SPECC1L: variants seen among roughly 807,000 people sequenced by gnomAD.
The protein encoded by SPECC1L is cytospin-A.
In SPECC1L, 40 loss-of-function variants were observed where a neutral mutation model predicts 116.8. The observed-to-expected ratio is 0.34, with a 90% CI of 0.27 to 0.45. SPECC1L has a LOEUF of 0.45. Ranked by LOEUF, SPECC1L falls within the 20% of genes least tolerant of loss-of-function variation. The pLI is 1.00. For missense variants in SPECC1L, 1,110 were observed against 1,373.6 expected, an observed-to-expected ratio of 0.81 and a Z score of 3.03; for synonymous variants, 504 against 500.6, an observed-to-expected ratio of 1.01 and a Z score of -0.09.
intron 13 of SPECC1L, among the ~76,000 whole-genome samples, chr22:24,366,866 G>A (rs183642826): frequency 2.7e-4 from 41 of 152,214 alleles, no homozygotes; most frequent in African/African-American, 9.4e-4. Context: ...TTGTTTATAG[G>A]GATGAAGAAA....
intron 9 of SPECC1L, among the ~76,000 whole-genome samples, chr22:24,337,445 A>G (rs1476491360): frequency 6.6e-6 from 1 of 152,178 alleles, no homozygotes; most frequent in Non-Finnish European, 1.5e-5. Flanking sequence ...ATGGGAAGTG[A>G]CTATTGGGAT....
intron 2 of SPECC1L, among the ~76,000 whole-genome samples, chr22:24,290,830 TGAA>T (rs2049143311): frequency 6.6e-6 from 1 of 152,372 alleles, no homozygotes; most frequent in South Asian, 2.1e-4. Flanking sequence ...ATGTATATGT[TGAA>T]GAATATAGGA....
At chr22:24,329,468 A>G (rs1285128159) in intron 7 of SPECC1L, among the ~76,000 whole-genome samples, 1 of 152,242 alleles carries the variant, frequency 6.6e-6, no homozygotes, top group Non-Finnish European at 1.5e-5. Context: ...TGTGGCCATG[A>G]TCCATCTTGC....
intron 9 of SPECC1L, 138 bp from the exon 10 acceptor site, chr22:24,338,248 C>T: frequency 1.2e-6 from 1 of 824,534 alleles, no homozygotes; most frequent in Non-Finnish European, 2.1e-6. Flanking sequence ...AAGTGTTCAG[C>T]AGAGGCTAGA....
intron 13 of SPECC1L, among the ~76,000 whole-genome samples, chr22:24,367,221 G>A (rs191767292): frequency 6.6e-6 from 1 of 152,184 alleles, no homozygotes; most frequent in East Asian, 1.9e-4. Flanking sequence ...GTTGAGCCGT[G>A]ACAAGTTTTT....
intron 2 of SPECC1L, among the ~76,000 whole-genome samples, chr22:24,289,467 T>C (rs1344602749): frequency 1.3e-5 from 2 of 151,852 alleles, no homozygotes; most frequent in African/African-American, 2.4e-5. Context: ...ATTAGGACTT[T>C]TATTTCATTA....
chr22:24,355,281 C>CA (rs751981921), intron 11 of SPECC1L, among the ~76,000 whole-genome samples: 17,297 of 54,934 alleles, frequency 0.31, 2,214 homozygotes, highest in East Asian at 0.46. Context: ...GACTCCATCT[C>CA]AAAAAAAAAA....
chr22:24,388,287 G>A (rs546332209), intron 14 of SPECC1L, among the ~76,000 whole-genome samples: 1,512 of 130,312 alleles, frequency 0.012, 26 homozygotes, highest in African/African-American at 0.041. Flanking sequence ...CTGTGTCCAT[G>A]TGTTCTCATT....
chr22:24,288,254 A>G (rs1486172245), intron 2 of SPECC1L, among the ~76,000 whole-genome samples: 2 of 152,232 alleles, frequency 1.3e-5, no homozygotes, highest in East Asian at 1.9e-4. Flanking sequence ...AGGCTGTATA[A>G]TTCTTTGTCG....
rs547616507 is a variant in SPECC1L at position 24,293,380 on chromosome 22, G to A, written c.-37-8815G>A. ...AGGCAGGAGAATTGCTTGAACCCGG[G>A]AGGCGGAGGTTGCAGTGAGCCGAGG... On this transcript the variant is annotated intron_variant, in intron 2 of 16. Transcript: ENST00000314328. 5.7e-4 allele frequency among the ~76,000 whole-genome samples: 87 copies of A among 152,298 alleles called. 1 individual carries two copies. Among genetic ancestry groups the A allele is most frequent in the South Asian group, 1.2e-3 (6 of 4,820 alleles).
At chr22:24,309,264 T>C (rs1398719098) in intron 3 of SPECC1L, among the ~76,000 whole-genome samples, 1 of 152,220 alleles carries the variant, frequency 6.6e-6, no homozygotes, top group Admixed American at 6.5e-5. Flanking sequence ...CCACATCCTA[T>C]AATTGTAATC....
At chr22:24,392,515 G>A (rs2055253811) in intron 14 of SPECC1L, among the ~76,000 whole-genome samples, 2 of 152,148 alleles carry the variant, frequency 1.3e-5, no homozygotes, top group African/African-American at 4.8e-5. Flanking sequence ...TTTAGCCTGA[G>A]GTCATTCTGG....
At chr22:24,315,844 G>A (rs2040552138) in intron 4 of SPECC1L, among the ~76,000 whole-genome samples, 2 of 152,214 alleles carry the variant, frequency 1.3e-5, no homozygotes, top group Non-Finnish European at 2.9e-5. Flanking sequence ...TTTCTCCTGA[G>A]ATCTCTTTTT....
intron 14 of SPECC1L, among the ~76,000 whole-genome samples, chr22:24,397,358 A>G (rs1401437560): frequency 2.6e-5 from 4 of 152,318 alleles, no homozygotes; most frequent in African/African-American, 9.6e-5. Context: ...TGCATTTCAT[A>G]TCCAGGCTGC....
intron 11 of SPECC1L, among the ~76,000 whole-genome samples, chr22:24,360,734 C>A (rs2041627520): frequency 6.6e-6 from 1 of 152,118 alleles, no homozygotes; most frequent in African/African-American, 2.4e-5. Context: ...CTGTGTTCTT[C>A]TTTGGGAGAC....
intron 2 of SPECC1L, among the ~76,000 whole-genome samples, chr22:24,281,308 C>T (rs116628554): frequency 0.025 from 3,740 of 152,252 alleles, 181 homozygotes; most frequent in African/African-American, 0.086. Context: ...CTTTGCATTT[C>T]TGTGTTTTAG....
chr22:24,384,088 C>T (rs1301822499), intron 14 of SPECC1L, among the ~76,000 whole-genome samples: 3 of 149,194 alleles, frequency 2.0e-5, no homozygotes, highest in African/African-American at 7.5e-5. Context: ...AGTGAAGCAC[C>T]GAGAAATGAA....
chr22:24,384,682 G>A (rs753770023), intron 14 of SPECC1L, among the ~76,000 whole-genome samples: 1 of 152,194 alleles, frequency 6.6e-6, no homozygotes, highest in African/African-American at 2.4e-5. Context: ...GACGTTGGCT[G>A]CATGGAGTTA....
intron 16 of SPECC1L, among the ~76,000 whole-genome samples, chr22:24,413,986 G>T (rs2042753859): frequency 6.6e-6 from 1 of 152,158 alleles, no homozygotes. Flanking sequence ...TGAGGTGGGG[G>T]TGGGTCCACG....
Sources: allele counts gnomAD v4.1 joint callset (sites outside exome capture counted in the v4.1 genomes callset), GRCh38; gene constraint gnomAD v4.1.1; transcripts MANE v1.5; gene names NCBI Gene and HGNC (gene_info 2026-07-23, HGNC 2026-07-21).